Variants in NODAL observed in about 807,000 individuals in gnomAD.
The protein encoded by NODAL is nodal homolog.
Under a neutral mutation model 34.0 loss-of-function variants are expected in NODAL, and 12 were observed. The ratio of observed to expected loss-of-function variants is 0.35; its 90% confidence interval spans 0.23 to 0.57. The LOEUF is 0.57. NODAL is among the 20% of genes least tolerant of loss of function. The pLI, the probability that NODAL is intolerant of heterozygous loss-of-function variation, is 0.83. For missense variants in NODAL, 390 were observed against 444.2 expected (o/e 0.88, Z 1.10); for synonymous variants, 162 against 186.4 (o/e 0.87, Z 1.07).
At chr10:70,438,990 A>G (rs1382611898) in intron 1 of NODAL, among the ~76,000 whole-genome samples, 1 of 152,138 alleles carries the variant, frequency 6.6e-6, no homozygotes, top group Non-Finnish European at 1.5e-5. Flanking sequence ...GATGCCCCTG[A>G]TGTCCTCCTG....
chr10:70,437,033 G>A (rs1360625656), intron 1 of NODAL, among the ~76,000 whole-genome samples: 1 of 152,116 alleles, frequency 6.6e-6, no homozygotes, highest in Non-Finnish European at 1.5e-5. Flanking sequence ...ACACACCCAA[G>A]ACAACCAAAC....
chr10:70,433,869 C>T (rs1379526039), intron 2 of NODAL, among the ~76,000 whole-genome samples: 1 of 152,136 alleles, frequency 6.6e-6, no homozygotes, highest in Non-Finnish European at 1.5e-5. Flanking sequence ...AATCCCTTGG[C>T]GTTTTGGAAC....
intron 1 of NODAL, chr10:70,447,867 T>C (rs1845505558): frequency 4.2e-6 from 2 of 471,010 alleles, no homozygotes; most frequent in African/African-American, 4.0e-5. Flanking sequence ...ATCTGCAACC[T>C]ACGTGAATGA....
intron 1 of NODAL, among the ~76,000 whole-genome samples, chr10:70,437,070 A>C (rs1409357431): frequency 6.6e-6 from 1 of 152,160 alleles, no homozygotes; most frequent in African/African-American, 2.4e-5. Context: ...GGAGTAGGGG[A>C]GCACACTCCA....
Position 70,435,313 on chromosome 10 carries a change from A to G in NODAL, c.864T>C (p.Phe288=). The change falls in exon 2 of 3, where the codon TTT becomes TTC. Residue 288 remains phenylalanine (F), a synonymous_variant. Transcript: ENST00000287139. ...GECPNPVGEE[F]HPTNHAYIQS... is the part of the protein sequence containing the mutation. The stretch of plus-strand genomic sequence containing the variant: ...GGATGTATGCATGGTTGGTCGGATG[A>G]AACTCCTCCCCAACAGGATTAGGAC... The G allele has an allele frequency of 6.2e-7, 1 of 1,613,092 alleles. No individual in the cohort carries two copies. Among genetic ancestry groups the G allele is most frequent in the Non-Finnish European group, 8.5e-7 (1 of 1,179,574 alleles).
upstream of NODAL, among the ~76,000 whole-genome samples, chr10:70,444,020 C>T (rs1460692124): frequency 2.0e-5 from 3 of 150,560 alleles, no homozygotes; most frequent in Non-Finnish European, 4.4e-5. Flanking sequence ...GCAACCTCTG[C>T]CTCCCCGGTT....
intron 1 of NODAL, among the ~76,000 whole-genome samples, chr10:70,437,444 C>A (rs888436969): frequency 1.3e-5 from 2 of 152,142 alleles, no homozygotes; most frequent in African/African-American, 4.8e-5. Context: ...TCTGTCTCAA[C>A]AAAAACAACA....
Position 70,435,386 on chromosome 10 carries a change from C to T in NODAL, c.791G>A (p.Trp264Ter). 6.2e-7 allele frequency: 1 copy of T among 1,614,190 alleles called. No homozygotes were observed. ...GTTGTACTGCTTGGGGTAGATGATC[C>T]AGGAGCCCCATCCGATCAGGTTGAA... ...VDFNLIGWGSWIIYPKQYNAY... is the reference protein window; with the variant it reads ...VDFNLIGWGS The change falls in exon 2 of 3, where the codon TGG becomes TAG. Residue 264 changes from tryptophan to a stop codon, truncating the protein, a stop_gained. Coordinates refer to ENST00000287139, the MANE Select transcript of NODAL (RefSeq NM_018055.5). LOFTEE classifies it high-confidence loss of function.
Position 70,432,928 on chromosome 10 carries a change from G to A in NODAL, c.*8C>T. 1.9e-6 allele frequency: 3 copies of A among 1,614,090 alleles called. No individual in the cohort carries two copies. The highest frequency in any genetic ancestry group is 2.5e-6 in the Non-Finnish European group (3 of 1,179,990). On this transcript the variant is annotated 3_prime_UTR_variant, in exon 3 of 3. Transcript: ENST00000287139. The stretch of plus-strand genomic sequence containing the variant: ...TGCAGGCAAATCCAGTCTCCCTCCA[G>A]GATGTCATCAGAGGCACCCACATTC...
Position 70,435,480 on chromosome 10 carries a change from T to C in NODAL, c.697A>G (p.Lys233Glu). The C allele has an allele frequency of 6.2e-7, 1 of 1,614,176 alleles. No homozygotes were observed. The highest frequency in any genetic ancestry group is 8.5e-7 in the Non-Finnish European group (1 of 1,180,030). Reference sequence around the variant, plus strand: ...GGCAAGTGATGTCGACGGTGCCTCTTGCCCCACTCCCAGGACAGCTGTCCC... The same window carrying C: ...GGCAAGTGATGTCGACGGTGCCTCTCGCCCCACTCCCAGGACAGCTGTCCC... ...QEGQLSWEWG[K>E]RHRRHHLPDR... Residue 233 changes from lysine to glutamate, a missense_variant, in exon 2 of 3, where the codon AAG (lysine) becomes GAG (glutamate). Lys to Glu is a moderately conservative substitution (Grantham distance 56). Coordinates refer to ENST00000287139, the MANE Select transcript of NODAL (RefSeq NM_018055.5).
In NODAL at chr10:70,436,088, T is replaced by G. The variant is rs7909303; in HGVS notation, c.194-105A>C. On this transcript the variant is annotated intron_variant, in intron 1 of 2. Transcript: ENST00000287139. ...CTCTTGCTGGAGGCCTTACCTTATATAGAATTACCTTCGAATTCTCACCCC... is the reference window on the plus strand; with the variant it reads ...CTCTTGCTGGAGGCCTTACCTTATAGAGAATTACCTTCGAATTCTCACCCC... 0.24 allele frequency: 222,287 copies of G among 925,416 alleles called. 28,658 individuals are homozygous for G. Among genetic ancestry groups the G allele is most frequent in the Non-Finnish European group, 0.27 (152,159 of 570,546 alleles). 57.3% of individuals were successfully genotyped at this position (925,416 alleles called of 1,614,324 possible).
rs534164882 is a variant in NODAL at position 70,441,516 on chromosome 10, G to A, written c.152C>T (p.Pro51Leu). ...GCGGATGATGTCTGCCCTCGGCAGCGGGTCGCGGTAGAGGCTCAGCATGTA... is the reference window on the plus strand; with the variant it reads ...GCGGATGATGTCTGCCCTCGGCAGCAGGTCGCGGTAGAGGCTCAGCATGTA... Reference protein sequence around the residue: ...LAYMLSLYRDPLPRADIIRSL... With the variant: ...LAYMLSLYRDLLPRADIIRSL... The change falls in exon 1 of 3, where the codon CCG (proline) becomes CTG (leucine). Residue 51 changes from proline to leucine, a missense_variant. Transcript: ENST00000287139. 3.9e-5 allele frequency: 62 copies of A among 1,595,094 alleles called. 2 individuals are homozygous for A. The South Asian group carries it at 6.5e-4, about 17-fold the overall frequency.
chr10:70,441,716 G>C, upstream of NODAL: 1 of 1,534,088 alleles, frequency 6.5e-7, no homozygotes, highest in Non-Finnish European at 8.8e-7. Context: ...TTATATCCTG[G>C]GCCTCAGCAG....
At chr10:70,434,215 C>T (rs562929562) in intron 2 of NODAL, among the ~76,000 whole-genome samples, 1 of 152,118 alleles carries the variant, frequency 6.6e-6, no homozygotes, top group Non-Finnish European at 1.5e-5. Context: ...GGCAGGGCCA[C>T]CTATAACATC....
chr10:70,434,759 A>G (rs1845321306), intron 2 of NODAL: 1 of 163,254 alleles, frequency 6.1e-6, no homozygotes, highest in Admixed American at 5.6e-5. Context: ...AATGCAGCCA[A>G]ACATGCCTGT....
chr10:70,437,395 C>T (rs895997662), intron 1 of NODAL, among the ~76,000 whole-genome samples: 6 of 152,198 alleles, frequency 3.9e-5, no homozygotes, highest in African/African-American at 1.4e-4. Flanking sequence ...GAGCCGGGAT[C>T]GCGCCACTGA....
At position 70,447,396 on chromosome 10, in the gene NODAL, A is replaced by C. The variant is rs1845499884; in HGVS notation, c.28+528T>G. Among the ~76,000 whole-genome samples the C allele has an allele frequency of 2.0e-5, 3 of 152,044 alleles. 1 individual carries two copies. The South Asian group carries it at 6.2e-4, about 31-fold the overall frequency. On this transcript the variant is annotated intron_variant, in intron 1 of 2. Coordinates refer to the NODAL transcript ENST00000414871. The stretch of plus-strand genomic sequence containing the variant: ...GCCAGCAGAGCCCTCTTCTAAGTAA[A>C]GCATCAGGGCGGGGTGTGGTGGCTC...
Position 70,435,424 on chromosome 10 carries a change from C to G in NODAL, c.753G>C (p.Lys251Asn). The G allele has an allele frequency of 6.2e-7, 1 of 1,614,212 alleles. No individual in the cohort carries two copies. Among genetic ancestry groups the G allele is most frequent in the Non-Finnish European group, 8.5e-7 (1 of 1,180,038 alleles). The change falls in exon 2 of 3, where the codon AAG becomes AAC. Residue 251 changes from lysine (K) to asparagine (N), a missense_variant. By Grantham distance (94) the Lys-to-Asn change is moderately conservative. Coordinates refer to ENST00000287139, the MANE Select transcript of NODAL (RefSeq NM_018055.5). ...PDRSQLCRKV[K>N]FQVDFNLIGW... ...CGATCAGGTTGAAGTCCACCTGGAA[C>G]TTGACCTTCCGACACAGTTGACTTC...
At chr10:70,434,245 A>G (rs549258203) in intron 2 of NODAL, among the ~76,000 whole-genome samples, 32 of 152,274 alleles carry the variant, frequency 2.1e-4, no homozygotes. Flanking sequence ...ATATTAGGTT[A>G]TATTTTCTGT....
Sources: allele counts gnomAD v4.1 joint callset (sites outside exome capture counted in the v4.1 genomes callset), GRCh38; gene constraint gnomAD v4.1.1; transcripts MANE v1.5; gene names NCBI Gene and HGNC (gene_info 2026-07-23, HGNC 2026-07-21).